Variants in ASTN2 observed in about 807,000 individuals in gnomAD.
ASTN2 encodes the protein astrotactin 2.
ASTN2 carries 54 observed loss-of-function variants against 139.8 expected under a neutral mutation model. The observed-to-expected ratio is 0.39, with a 90% CI of 0.31 to 0.48. The LOEUF (loss-of-function observed/expected upper bound fraction) is 0.48, where lower values mean the gene tolerates loss of function less well. ASTN2 is among the 20% of genes least tolerant of loss of function. The pLI is 0.95. For synonymous variants in ASTN2, 756 were observed against 719.5 expected (o/e 1.05, Z -0.81); for missense variants, 1,565 against 1,725.1 (o/e 0.91, Z 1.64).
intron 11 of ASTN2, among the ~76,000 whole-genome samples, chr9:116,848,334 T>C (rs1266892103): frequency 1.3e-5 from 2 of 152,156 alleles, no homozygotes; most frequent in Non-Finnish European, 2.9e-5. Flanking sequence ...ACAGATCAAG[T>C]GCAGGGAGGT....
intron 10 of ASTN2, among the ~76,000 whole-genome samples, chr9:116,957,030 C>T (rs1430448455): frequency 6.6e-6 from 1 of 150,780 alleles, no homozygotes; most frequent in Admixed American, 6.6e-5. Flanking sequence ...CAATGCAGTC[C>T]CTATCAGATT....
chr9:116,729,546 G>A (rs375795265), intron 14 of ASTN2, among the ~76,000 whole-genome samples: 5 of 152,220 alleles, frequency 3.3e-5, no homozygotes, highest in African/African-American at 9.6e-5. Flanking sequence ...CCACATGTAA[G>A]TAAACTACAG....
intron 11 of ASTN2, among the ~76,000 whole-genome samples, chr9:116,834,340 A>G (rs1831919159): frequency 6.6e-6 from 1 of 152,134 alleles, no homozygotes; most frequent in Non-Finnish European, 1.5e-5. Context: ...GTCCTTCTAT[A>G]TTGTTGCTAA....
At chr9:116,719,523 G>A (rs1240620505) in intron 16 of ASTN2, among the ~76,000 whole-genome samples, 1 of 152,130 alleles carries the variant, frequency 6.6e-6, no homozygotes, top group Non-Finnish European at 1.5e-5. Context: ...AGATAATGGT[G>A]CTTCTCACTA....
intron 2 of ASTN2, among the ~76,000 whole-genome samples, chr9:117,218,387 G>A (rs557401462): frequency 1.3e-4 from 20 of 152,320 alleles, no homozygotes; most frequent in Non-Finnish European, 2.5e-4. Flanking sequence ...CACTGACCAC[G>A]TGGTTTCCGT....
At chr9:116,928,085 T>A (rs866503844) in intron 10 of ASTN2, among the ~76,000 whole-genome samples, 1 of 152,150 alleles carries the variant, frequency 6.6e-6, no homozygotes, top group African/African-American at 2.4e-5. Context: ...CTATCCCTGA[T>A]CTCCCAACTG....
intron 10 of ASTN2, among the ~76,000 whole-genome samples, chr9:116,960,810 G>C (rs1835855784): frequency 6.6e-6 from 1 of 152,118 alleles, no homozygotes; most frequent in Non-Finnish European, 1.5e-5. Context: ...TCCTCCCAAA[G>C]ACCAGGCTGA....
chr9:117,300,159 T>A (rs1834840836), intron 1 of ASTN2, among the ~76,000 whole-genome samples: 1 of 152,232 alleles, frequency 6.6e-6, no homozygotes, highest in Non-Finnish European at 1.5e-5. Flanking sequence ...CTATCTGAAA[T>A]GTGCCAGGCA....
intron 16 of ASTN2, among the ~76,000 whole-genome samples, chr9:116,703,101 T>TAA (rs952908039): frequency 6.6e-6 from 1 of 151,594 alleles, no homozygotes; most frequent in Non-Finnish European, 1.5e-5. Context: ...ACCAACAGTG[T>TAA]AAAAGTGTTC....
intron 1 of ASTN2, among the ~76,000 whole-genome samples, chr9:117,365,518 C>G (rs2130903862): frequency 6.6e-6 from 1 of 152,156 alleles, no homozygotes; most frequent in African/African-American, 2.4e-5. Context: ...CATTGCCAAA[C>G]TCCATGTGAG....
At chr9:116,713,433 C>T (rs72763937) in intron 16 of ASTN2, among the ~76,000 whole-genome samples, 40,526 of 151,974 alleles carry the variant, frequency 0.27, 6,265 homozygotes, top group Admixed American at 0.41. Context: ...CTCTAAGGCC[C>T]GTCTCAGAGC....
intron 3 of ASTN2, among the ~76,000 whole-genome samples, chr9:117,144,137 A>G (rs1242519210): frequency 1.3e-5 from 2 of 152,164 alleles, no homozygotes; most frequent in East Asian, 1.9e-4. Flanking sequence ...TTCTATGGAC[A>G]CAGACTGAGG....
Position 116,715,319 on chromosome 9 carries a change from G to C in ASTN2, c.2806+10452C>G, listed in dbSNP as rs954181996. Among the ~76,000 whole-genome samples the C allele has an allele frequency of 3.3e-5, 5 of 152,280 alleles. No homozygotes were observed. The South Asian group carries it at 1.0e-3, about 32-fold the overall frequency. ...CAGTGACATTCAAAGGTCTAACAAA[G>C]AAGCCAATAGCATTCCCTAGGAGCA... is the stretch of plus-strand genomic sequence containing the variant. On this transcript the variant is annotated intron_variant, in intron 16 of 22. Transcript: ENST00000313400.
Position 117,290,732 on chromosome 9 carries a change from C to T in ASTN2, c.630+594G>A, listed in dbSNP as rs554915400. Among the ~76,000 whole-genome samples, 16 of 152,284 alleles carry T rather than the reference C, an allele frequency of 1.1e-4. No homozygotes were observed. In the East Asian group the frequency reaches 2.5e-3, roughly 24 times the overall value. On this transcript the variant is annotated intron_variant, in intron 2 of 22. Transcript: ENST00000313400. ...GGATTTGAACACTCAAGAGTAGTTC[C>T]ATCATTCGCTGGCTATGTGATCTTA...
chr9:116,722,747 C>T (rs1828507171), intron 16 of ASTN2, among the ~76,000 whole-genome samples: 2 of 152,134 alleles, frequency 1.3e-5, no homozygotes, highest in South Asian at 4.2e-4. Context: ...TATCCATGCC[C>T]TATTTGGTCT....
chr9:116,485,885 T>C (rs1849323302), intron 20 of ASTN2, among the ~76,000 whole-genome samples: 1 of 152,162 alleles, frequency 6.6e-6, no homozygotes, highest in African/African-American at 2.4e-5. Context: ...GGAGTGTGAA[T>C]ATCTCAAGTG....
chr9:117,402,538 T>C (rs1830862554), intron 1 of ASTN2, among the ~76,000 whole-genome samples: 1 of 152,074 alleles, frequency 6.6e-6, no homozygotes, highest in South Asian at 2.1e-4. Flanking sequence ...ACATCAATAG[T>C]GTGATCCCAG....
At position 116,725,780 on chromosome 9, in the gene ASTN2, A is replaced by G; in HGVS notation, c.2797T>C (p.Tyr933His). 1 of 1,613,222 alleles carries G rather than the reference A, an allele frequency of 6.2e-7. No individual in the cohort carries two copies. The highest frequency in any genetic ancestry group is 8.5e-7 in the Non-Finnish European group (1 of 1,179,850). ...KKVQQQLWLQYQKETTELGSK... is the reference protein window; with the variant it reads ...KKVQQQLWLQHQKETTELGSK... Reference sequence around the variant, plus strand: ...GGCACTCCGGGCTTACCTTTCTGATACTGGAGCCACAGCTGCTGCTGGACC... The same window carrying G: ...GGCACTCCGGGCTTACCTTTCTGATGCTGGAGCCACAGCTGCTGCTGGACC... The change falls in exon 16 of 23, where the codon TAT becomes CAT. Residue 933 changes from tyrosine to histidine, a missense_variant. Tyr to His is a moderately conservative substitution (Grantham distance 83). Transcript: ENST00000313400.
In ASTN2 at chr9:116,698,549, G is replaced by A. The variant is rs1184553729; in HGVS notation, c.2806+27222C>T. On this transcript the variant is annotated intron_variant, in intron 16 of 22. Transcript: ENST00000313400. The surrounding 1 kb of genome is among the most constrained non-coding windows in gnomAD (Gnocchi z 4.4). Reference sequence around the variant, plus strand: ...AGGAGCCAGAGCTCACTGCCAGCTTGCCTCGGGAGCTCACCCTGCAAGATG... The same window carrying A: ...AGGAGCCAGAGCTCACTGCCAGCTTACCTCGGGAGCTCACCCTGCAAGATG... 6.2e-6 allele frequency: 10 copies of A among 1,613,918 alleles called. No individual in the cohort carries two copies. The highest frequency in any genetic ancestry group is 5.0e-5 in the Admixed American group (3 of 60,012).
Sources: gnomAD v4.1 joint callset for allele counts (sites outside exome capture counted in the v4.1 genomes callset) on GRCh38, gnomAD v4.1.1 for gene constraint, Gnocchi (gnomAD v3.1) non-coding constraint, MANE v1.5 for transcripts, NCBI Gene and HGNC (gene_info 2026-07-23, HGNC 2026-07-21) for gene names.